Variants in PLCH2 observed in about 807,000 individuals in gnomAD.
PLCH2 encodes phospholipase C eta 2.
In PLCH2, 98 loss-of-function variants were observed where a neutral mutation model predicts 134.7. The ratio of observed to expected loss-of-function variants is 0.73; its 90% confidence interval spans 0.62 to 0.86. The LOEUF (loss-of-function observed/expected upper bound fraction) is 0.86, where lower values mean the gene tolerates loss of function less well. Among genes scored for constraint, PLCH2 ranks in the 40% least tolerant of loss-of-function variants. The pLI is 0.00. For missense variants in PLCH2, 1,994 were observed against 1,986.6 expected (o/e 1.00, Z -0.07); for synonymous variants, 974 against 827.5 (o/e 1.18, Z -3.04).
rs1641615678 is a variant in PLCH2 at position 2,476,341 on chromosome 1, G to A, written c.-248G>A. On this transcript the variant is annotated 5_prime_UTR_variant, in exon 1 of 22. Coordinates refer to ENST00000378486, the MANE Select transcript of PLCH2 (RefSeq NM_014638.4). The stretch of plus-strand genomic sequence containing the variant: ...CGGCTGCGTCAGGGATTCCTTGGTG[G>A]CCCTGGAGGGTGGATAGGCTGGCCT... 2.4e-6 allele frequency: 1 copy of A among 424,106 alleles called. No homozygotes were observed. Among genetic ancestry groups the A allele is most frequent in the Non-Finnish European group, 4.2e-6 (1 of 240,686 alleles). 26.3% of individuals were successfully genotyped at this position (424,106 alleles called of 1,614,324 possible).
In PLCH2 at chr1:2,479,729, C is replaced by T. The variant is rs571160333; in HGVS notation, c.272-5C>T. The stretch of plus-strand genomic sequence containing the variant: ...CCTGACCCGTGCTCCCTCCCCACCC[C>T]GCAGTCTCCATCGACTCCATCCAGG... On this transcript the variant is annotated splice_polypyrimidine_tract_variant and splice_region_variant and intron_variant, in intron 2 of 21. Transcript: ENST00000378486. 3.7e-5 allele frequency: 57 copies of T among 1,534,472 alleles called. No individual in the cohort carries two copies. Among genetic ancestry groups the T allele is most frequent in the South Asian group, 9.6e-5 (8 of 83,636 alleles).
chr1:2,448,170 T>C lies in PLCH2; in HGVS notation c.115+17541T>C, dbSNP rs867781102. Among the ~76,000 whole-genome samples, 4 of 152,176 alleles carry C rather than the reference T, an allele frequency of 2.6e-5. No homozygotes were observed. In the South Asian group the frequency reaches 8.3e-4, roughly 32 times the overall value. ...TGGAGCGCCAGGTGCCCCGGGTGTC[T>C]GGAGCACCACGACATGGAGGGGTGT... On this transcript the variant is annotated intron_variant, in intron 2 of 3. Coordinates refer to the PLCH2 transcript ENST00000609981. This position sits in a 1 kb window ranked among gnomAD's most constrained non-coding sequence, Gnocchi z 4.0.
intron 2 of PLCH2, among the ~76,000 whole-genome samples, chr1:2,435,662 G>A (rs2100500781): frequency 6.6e-6 from 1 of 152,208 alleles, no homozygotes; most frequent in South Asian, 2.1e-4. Flanking sequence ...CAGCACGCCT[G>A]GCCTGTTGTG....
chr1:2,489,419 G>A (rs759332276), intron 9 of PLCH2, 41 bp downstream of exon 9: 4 of 1,601,088 alleles, frequency 2.5e-6, no homozygotes, highest in African/African-American at 1.3e-5. Context: ...CTCACACAGA[G>A]TCTCGGGCCT....
chr1:2,476,322 C>T lies in PLCH2; in HGVS notation c.-267C>T, dbSNP rs773461835. ...CTCCCCCAGCCTTGGGAGGCGGCTG[C>T]GTCAGGGATTCCTTGGTGGCCCTGG... On this transcript the variant is annotated 5_prime_UTR_variant, in exon 1 of 22. Coordinates refer to ENST00000378486, the MANE Select transcript of PLCH2 (RefSeq NM_014638.4). 191 of 381,964 alleles carry T rather than the reference C, an allele frequency of 5.0e-4. No homozygotes were observed. Among genetic ancestry groups the T allele is most frequent in the Non-Finnish European group, 7.5e-4 (160 of 214,570 alleles). The allele number at this position is 381,964 out of a possible 1,614,324, so 23.7% of individuals were successfully genotyped here. A position where few individuals can be genotyped will look rare whatever the true frequency, so the allele number is the denominator to read the frequency against.
In PLCH2 at chr1:2,503,926, C is replaced by T. The variant is rs1196158570; in HGVS notation, c.2964C>T (p.Thr988=). 2 of 1,011,764 alleles carry T rather than the reference C, an allele frequency of 2.0e-6. No individual in the cohort carries two copies. The highest frequency in any genetic ancestry group is 4.6e-5 in the Admixed American group (2 of 43,420). 62.7% of individuals were successfully genotyped at this position (1,011,764 alleles called of 1,614,324 possible). A position where few individuals can be genotyped will look rare whatever the true frequency, so the allele number is the denominator to read the frequency against. ...CACTCCCCCACCTCCCCACAGACAC[C>T]CGCCCCCTCTCCACGCAGCGGCCAC... is the stretch of plus-strand genomic sequence containing the variant. ...EGPGSGSPRD[T]RPLSTQRPLP... is the part of the protein sequence containing the mutation. Residue 988 remains threonine, a synonymous_variant, in exon 22 of 22, where the codon ACC becomes ACT. Transcript: ENST00000378486.
Position 2,505,271 on chromosome 1 carries a change from G to A in PLCH2, c.*58G>A. ...GGCCCAGGGCAGGGGTGGGCGTGTT[G>A]TTTGCTCAGGAAACAGGGCAGCCAG... On this transcript the variant is annotated 3_prime_UTR_variant, in exon 22 of 22. Coordinates refer to ENST00000378486, the MANE Select transcript of PLCH2 (RefSeq NM_014638.4). 2 of 1,374,482 alleles carry A rather than the reference G, an allele frequency of 1.5e-6. No homozygotes were observed. The highest frequency in any genetic ancestry group is 2.0e-6 in the Non-Finnish European group (2 of 1,014,134). The allele number at this position is 1,374,482 out of a possible 1,614,324, so 85.1% of individuals were successfully genotyped here. A position where few individuals can be genotyped will look rare whatever the true frequency, so the allele number is the denominator to read the frequency against.
upstream of PLCH2, among the ~76,000 whole-genome samples, chr1:2,475,612 G>A (rs749194627): frequency 6.6e-6 from 1 of 152,184 alleles, no homozygotes; most frequent in South Asian, 2.1e-4. Context: ...CTCCTTGGGC[G>A]AGGCCCCTGT....
At chr1:2,473,035 G>T (rs926876186), upstream of PLCH2, among the ~76,000 whole-genome samples, 4 of 152,158 alleles carry the variant, frequency 2.6e-5, no homozygotes, top group South Asian at 4.1e-4. Flanking sequence ...GATGACAGCC[G>T]CGAGGCCCAT....
chr1:2,425,213 T>A (rs1161775904), upstream of PLCH2, among the ~76,000 whole-genome samples: 1 of 149,828 alleles, frequency 6.7e-6, no homozygotes, highest in African/African-American at 2.5e-5. Context: ...CTTGGGCGCA[T>A]GCACACACAC....
At chr1:2,428,030 TG>T (rs1638884255) in intron 1 of PLCH2, among the ~76,000 whole-genome samples, 1 of 152,200 alleles carries the variant, frequency 6.6e-6, no homozygotes, top group Non-Finnish European at 1.5e-5. Flanking sequence ...CGTTGCACCC[TG>T]GGCACTCGGC....
rs978188253 is a variant in PLCH2 at position 2,504,106 on chromosome 1, T to C, written c.3144T>C (p.Thr1048=). The C allele has an allele frequency of 5.2e-6, 8 of 1,527,056 alleles. No homozygotes were observed. Among genetic ancestry groups the C allele is most frequent in the South Asian group, 2.4e-5 (2 of 81,844 alleles). 94.6% of individuals were successfully genotyped at this position (1,527,056 alleles called of 1,614,324 possible). The change falls in exon 22 of 22, where the codon ACT becomes ACC. Residue 1048 remains threonine (T), a synonymous_variant. Transcript: ENST00000378486. ...ATGTGGCAAGCCCCCTAGAGGACAC[T>C]GAGGAGCCCCGAGACAGCAGGCCTC... is the stretch of plus-strand genomic sequence containing the variant. ...GANVASPLED[T]EEPRDSRPRP...
Position 2,487,657 on chromosome 1 carries a change from T to C in PLCH2, c.1174T>C (p.Ser392Pro), listed in dbSNP as rs1642358523. 1.2e-6 allele frequency: 2 copies of C among 1,613,362 alleles called. No homozygotes were observed. The highest frequency in any genetic ancestry group is 1.3e-5 in the African/African-American group (1 of 74,936). Reference sequence around the variant, plus strand: ...TGTGCACCATGGCTACACTCTGACTTCCAAGATCCTCTTCAAAGACGTCAT... The same window carrying C: ...TGTGCACCATGGCTACACTCTGACTCCCAAGATCCTCTTCAAAGACGTCAT... The part of the protein sequence containing the change: ...PIVHHGYTLT[S>P]KILFKDVIET... Residue 392 changes from serine to proline, a missense_variant, in exon 8 of 22, where the codon TCC (serine) becomes CCC (proline). Ser to Pro is a moderately conservative substitution (Grantham distance 74, BLOSUM62 -1). Around this residue, in one of 2 missense-constraint regions of PLCH2, gnomAD observed 1,094 missense variants for 1,234.3 expected, o/e 0.89. Coordinates refer to ENST00000378486, the MANE Select transcript of PLCH2 (RefSeq NM_014638.4).
chr1:2,416,434 A>G, the PLCH2 span, among the ~76,000 whole-genome samples: 1 of 152,176 alleles, frequency 6.6e-6, no homozygotes, highest in African/African-American at 2.4e-5. Flanking sequence ...AGCCCCTCGC[A>G]GTGCCAGCCA....
intron 13 of PLCH2, 30 bp downstream of exon 13, chr1:2,495,600 G>T (rs748059491): frequency 7.4e-6 from 11 of 1,487,174 alleles, no homozygotes; most frequent in Non-Finnish European, 1.0e-5. Context: ...GGGAGGCCCC[G>T]CACACTCCTG....
At chr1:2,452,835 G>A (rs1640310475) in intron 2 of PLCH2, among the ~76,000 whole-genome samples, 2 of 152,242 alleles carry the variant, frequency 1.3e-5, no homozygotes, top group South Asian at 4.1e-4. Context: ...GGTGCAGCAA[G>A]TACACAACAA....
upstream of PLCH2, among the ~76,000 whole-genome samples, chr1:2,473,584 G>C (rs1570384098): frequency 6.6e-6 from 1 of 152,220 alleles, no homozygotes. Context: ...AGCAGGCCTG[G>C]TGGCCTTAGC....
Position 2,505,263 on chromosome 1 carries a change from G to T in PLCH2, c.*50G>T. The T allele has an allele frequency of 1.4e-6, 2 of 1,428,646 alleles. No homozygotes were observed. Among genetic ancestry groups the T allele is most frequent in the South Asian group, 1.3e-5 (1 of 79,456 alleles). 88.5% of individuals were successfully genotyped at this position (1,428,646 alleles called of 1,614,324 possible). Reference sequence around the variant, plus strand: ...GCTCTGGAGGCCCAGGGCAGGGGTGGGCGTGTTGTTTGCTCAGGAAACAGG... The same window carrying T: ...GCTCTGGAGGCCCAGGGCAGGGGTGTGCGTGTTGTTTGCTCAGGAAACAGG... On this transcript the variant is annotated 3_prime_UTR_variant, in exon 22 of 22. Coordinates refer to ENST00000378486, the MANE Select transcript of PLCH2 (RefSeq NM_014638.4).
rs528365045 is a variant in PLCH2 at position 2,504,021 on chromosome 1, C to T, written c.3059C>T (p.Ala1020Val). The T allele has an allele frequency of 1.5e-4, 229 of 1,532,732 alleles. 1 individual carries two copies. The highest frequency in any genetic ancestry group is 1.4e-3 in the Middle Eastern group (8 of 5,904). 94.9% of individuals were successfully genotyped at this position (1,532,732 alleles called of 1,614,324 possible). Residue 1020 changes from alanine to valine, a missense_variant, in exon 22 of 22, where the codon GCG becomes GTG. Ala to Val is a moderately conservative substitution (Grantham distance 64, BLOSUM62 0). Transcript: ENST00000378486. ...PAPGPGPPPP[A>V]AVPTSSSQGR... ...CCAGGCCCTGGTCCCCCGCCACCAG[C>T]GGCTGTCCCCACCAGCTCTTCTCAG...
Sources: gnomAD v4.1 joint callset for allele counts (sites outside exome capture counted in the v4.1 genomes callset) on GRCh38, gnomAD v4.1.1 for gene constraint, gnomAD v4.1.1 regional missense constraint, Gnocchi (gnomAD v3.1) non-coding constraint, MANE v1.5 for transcripts, NCBI Gene and HGNC (gene_info 2026-07-23, HGNC 2026-07-21) for gene names.